SRGAP3: variants seen among roughly 807,000 people sequenced by gnomAD.
SRGAP3 encodes SLIT-ROBO Rho GTPase activating protein 3, also known as SLIT-ROBO Rho GTPase-activating protein 3.
A neutral mutation model predicts 121.1 loss-of-function variants in SRGAP3; 39 were observed. That is an observed-to-expected ratio of 0.32 (90% CI 0.25 to 0.42). The LOEUF is 0.42. SRGAP3 is among the 10% of genes least tolerant of loss of function. SRGAP3 has a pLI of 1.00. For missense variants in SRGAP3, 1,213 were observed against 1,470.6 expected (o/e 0.82, Z 2.86); for synonymous variants, 601 against 570.0 (o/e 1.05, Z -0.77).
chr3:9,066,291 C>A (rs1268044920), intron 4 of SRGAP3, among the ~76,000 whole-genome samples: 1 of 152,184 alleles, frequency 6.6e-6, no homozygotes. Context: ...GAATCCATGG[C>A]TCCTGGGCCT....
At chr3:9,144,622 G>C (rs775264373) in intron 1 of SRGAP3, among the ~76,000 whole-genome samples, 1 of 152,130 alleles carries the variant, frequency 6.6e-6, no homozygotes, top group Non-Finnish European at 1.5e-5. Context: ...GGTTTATCAG[G>C]GTTTTCTGCT....
chr3:8,996,942 G>A (rs1465002689), intron 18 of SRGAP3, among the ~76,000 whole-genome samples: 1 of 152,274 alleles, frequency 6.6e-6, no homozygotes, highest in South Asian at 2.1e-4. Flanking sequence ...CATCACCAGA[G>A]CCTCCAGCAG....
chr3:9,301,025 C>CA (rs1955045989), intron 3 of SRGAP3, among the ~76,000 whole-genome samples: 2 of 152,136 alleles, frequency 1.3e-5, no homozygotes, highest in Admixed American at 1.3e-4. Context: ...CAGAGGGTAC[C>CA]AGGAAGGTAT....
chr3:9,143,588 A>G (rs1949931335), intron 1 of SRGAP3, among the ~76,000 whole-genome samples: 2 of 152,242 alleles, frequency 1.3e-5, no homozygotes, highest in African/African-American at 4.8e-5. Flanking sequence ...AACAAGGAAT[A>G]TAAGAGAGGC....
intron 3 of SRGAP3, among the ~76,000 whole-genome samples, chr3:9,094,005 C>T (rs572699677): frequency 2.8e-4 from 43 of 152,264 alleles, no homozygotes; most frequent in African/African-American, 1.0e-3. Flanking sequence ...AATTAGATAA[C>T]AAAATTTTGT....
intron 6 of SRGAP3, chr3:9,058,714 C>CTTTTTT (rs71049768): frequency 3.3e-5 from 7 of 213,720 alleles, no homozygotes; most frequent in African/African-American, 4.7e-5. Flanking sequence ...TTCTCTCTCT[C>CTTTTTT]TTTTTTTTTT....
At chr3:9,311,328 AG>A (rs1254032080) in intron 3 of SRGAP3, among the ~76,000 whole-genome samples, 4 of 152,228 alleles carry the variant, frequency 2.6e-5, no homozygotes, top group Non-Finnish European at 5.9e-5. Context: ...ATACACGTAA[AG>A]TGCAAGGTAA....
Position 9,015,542 on chromosome 3 carries a change from C to T in SRGAP3, c.1813+55G>A, listed in dbSNP as rs887737938. On this transcript the variant is annotated intron_variant, in intron 15 of 21. Coordinates refer to ENST00000383836, the MANE Select transcript of SRGAP3 (RefSeq NM_014850.4). The stretch of plus-strand genomic sequence containing the variant: ...CTAGCACAGCAGTAAGCCTGTAGCT[C>T]AACTCCAACAATGATTTGTCAAAAA... The T allele has an allele frequency of 3.1e-6, 5 of 1,609,416 alleles. No individual in the cohort carries two copies. In the African/African-American group the frequency reaches 6.7e-5, roughly 22 times the overall value.
intron 1 of SRGAP3, among the ~76,000 whole-genome samples, chr3:9,190,478 T>C (rs1951716461): frequency 6.6e-6 from 1 of 152,166 alleles, no homozygotes; most frequent in African/African-American, 2.4e-5. Context: ...TCCCTGAAAC[T>C]GAAAATGTAG....
intron 20 of SRGAP3, 149 bp from the exon 21 acceptor site, chr3:8,990,988 A>G: frequency 1.5e-6 from 1 of 663,782 alleles, no homozygotes; most frequent in Non-Finnish European, 2.4e-6. Flanking sequence ...CTACAATTCC[A>G]TAATGAAAGA....
chr3:9,095,128 C>T (rs772330606), intron 3 of SRGAP3, among the ~76,000 whole-genome samples: 15 of 151,980 alleles, frequency 9.9e-5, no homozygotes, highest in Admixed American at 2.0e-4. Flanking sequence ...CCTGTTTCTA[C>T]TGGGTTGTTT....
At chr3:9,304,624 G>T (rs1304424835) in intron 3 of SRGAP3, among the ~76,000 whole-genome samples, 2 of 152,162 alleles carry the variant, frequency 1.3e-5, no homozygotes, top group African/African-American at 4.8e-5. Context: ...CGAGTGGCCG[G>T]TGCTGTTGTC....
intron 1 of SRGAP3, among the ~76,000 whole-genome samples, chr3:9,132,403 C>A (rs1031734289): frequency 6.6e-6 from 1 of 152,176 alleles, no homozygotes; most frequent in Non-Finnish European, 1.5e-5. Context: ...CCACCTATTT[C>A]GCCCCTTATT....
At chr3:9,277,231 T>C (rs1954601563) in intron 3 of SRGAP3, among the ~76,000 whole-genome samples, 2 of 152,118 alleles carry the variant, frequency 1.3e-5, no homozygotes, top group African/African-American at 4.8e-5. Flanking sequence ...CTCTGACTCA[T>C]AGGTTTTACA....
At chr3:9,350,205 A>G (rs1476359424) in intron 1 of SRGAP3, 1 of 152,250 alleles carries the variant, frequency 6.6e-6, no homozygotes, top group East Asian at 1.9e-4. Context: ...AATTCAGTCA[A>G]CACATATTCA....
At chr3:9,195,841 C>T (rs184124334) in intron 1 of SRGAP3, among the ~76,000 whole-genome samples, 23 of 151,910 alleles carry the variant, frequency 1.5e-4, no homozygotes, top group Middle Eastern at 3.4e-3. Flanking sequence ...CTGCAGTCCT[C>T]GCTAATCATG....
At chr3:9,153,684 A>G (rs575914423) in intron 1 of SRGAP3, among the ~76,000 whole-genome samples, 2 of 152,352 alleles carry the variant, frequency 1.3e-5, no homozygotes, top group South Asian at 4.1e-4. Flanking sequence ...AAATATACAC[A>G]TGGAGGGAAA....
At position 9,025,416 on chromosome 3, in the gene SRGAP3, G is replaced by C. The variant is rs936616887; in HGVS notation, c.1601-78C>G. On this transcript the variant is annotated intron_variant, in intron 13 of 21. Coordinates refer to ENST00000383836, the MANE Select transcript of SRGAP3 (RefSeq NM_014850.4). ...TCATTAGACTACCGGGAATATCAGTGACTCTCCCCATTGCTTGTCTCTTTC... is the reference window on the plus strand; with the variant it reads ...TCATTAGACTACCGGGAATATCAGTCACTCTCCCCATTGCTTGTCTCTTTC... 2.8e-6 allele frequency: 4 copies of C among 1,419,096 alleles called. No homozygotes were observed. The African/African-American group carries it at 5.6e-5, about 20-fold the overall frequency. 87.9% of individuals were successfully genotyped at this position (1,419,096 alleles called of 1,614,324 possible). A position where few individuals can be genotyped will look rare whatever the true frequency, so the allele number is the denominator to read the frequency against.
intron 1 of SRGAP3, among the ~76,000 whole-genome samples, chr3:9,175,071 T>C (rs771713732): frequency 1.3e-5 from 2 of 152,180 alleles, no homozygotes; most frequent in African/African-American, 2.4e-5. Context: ...CCGGGATGCT[T>C]AGGAACACAG....
Sources: allele counts gnomAD v4.1 joint callset (sites outside exome capture counted in the v4.1 genomes callset), GRCh38; gene constraint gnomAD v4.1.1; transcripts MANE v1.5; gene names NCBI Gene and HGNC (gene_info 2026-07-23, HGNC 2026-07-21).